The following DAB2IP variants were observed in gnomAD, a reference collection of about 807,000 sequenced individuals.
The protein encoded by DAB2IP is disabled homolog 2-interacting protein.
In DAB2IP, 28 loss-of-function variants were observed where a neutral mutation model predicts 107.2. The ratio of observed to expected loss-of-function variants is 0.26; its 90% CI spans 0.19 to 0.36. The LOEUF is 0.36. Ranked by LOEUF, DAB2IP falls within the 10% of genes least tolerant of loss-of-function variation. The probability of loss-of-function intolerance (pLI) is 1.00; values close to 1 mark genes in which losing one functional copy is unlikely to be tolerated. For missense variants in DAB2IP, 1,400 were observed against 1,644.7 expected (o/e 0.85, Z 2.57); for synonymous variants, 755 against 706.4 (o/e 1.07, Z -1.09).
intron 1 of DAB2IP, among the ~76,000 whole-genome samples, chr9:121,656,683 G>GT (rs919356013): frequency 6.6e-6 from 1 of 152,116 alleles, no homozygotes; most frequent in Admixed American, 6.5e-5. Context: ...TGTGTGCTGC[G>GT]TGCCTGCTCC....
intron 1 of DAB2IP, among the ~76,000 whole-genome samples, chr9:121,657,983 G>A (rs971729840): frequency 6.6e-5 from 10 of 152,160 alleles, no homozygotes; most frequent in Non-Finnish European, 1.0e-4. Context: ...TCCGGGTCTG[G>A]AACTCAGATC....
intron 4 of DAB2IP, among the ~76,000 whole-genome samples, chr9:121,757,957 A>G (rs1422234771): frequency 6.6e-6 from 1 of 152,198 alleles, no homozygotes; most frequent in Middle Eastern, 3.2e-3. Context: ...GCCCTGGGGA[A>G]AAAACAGAAT....
In DAB2IP at chr9:121,759,007, G is replaced by T; in HGVS notation, c.615+11G>T. On this transcript the variant is annotated intron_variant, in intron 5 of 15. Coordinates refer to ENST00000408936, the Ensembl canonical transcript of DAB2IP. ...GTGCATCCCAACAAGGTAAGCCTGC[G>T]CCCCTCTCACCAAAGCATGGGGGAT... 2 of 1,606,316 alleles carry T rather than the reference G, an allele frequency of 1.2e-6. No individual in the cohort carries two copies. The highest frequency in any genetic ancestry group is 2.7e-5 in the African/African-American group (2 of 74,998).
intron 1 of DAB2IP, among the ~76,000 whole-genome samples, chr9:121,611,426 T>C (rs1166188365): frequency 6.6e-6 from 1 of 152,148 alleles, no homozygotes; most frequent in Non-Finnish European, 1.5e-5. Flanking sequence ...GTGTGTGTGG[T>C]CTAAGGTCCA....
chr9:121,604,565 G>A (rs1830801903), intron 1 of DAB2IP, among the ~76,000 whole-genome samples: 1 of 152,154 alleles, frequency 6.6e-6, no homozygotes, highest in African/African-American at 2.4e-5. Context: ...GACTTGGCCT[G>A]TGACTTCCAG....
chr9:121,642,020 TC>T (rs1832351065), intron 1 of DAB2IP, among the ~76,000 whole-genome samples: 9 of 32,758 alleles, frequency 2.7e-4, no homozygotes, highest in African/African-American at 1.1e-3. Flanking sequence ...TCTCTCTCTC[TC>T]TCTCTCTCTC....
chr9:121,660,577 G>A (rs2119088830), intron 1 of DAB2IP, among the ~76,000 whole-genome samples: 1 of 152,278 alleles, frequency 6.6e-6, no homozygotes, highest in African/African-American at 2.4e-5. Flanking sequence ...GGCTGACACA[G>A]GAGAGAGGAT....
intron 1 of DAB2IP, among the ~76,000 whole-genome samples, chr9:121,577,211 GC>G (rs1830082249): frequency 6.6e-6 from 1 of 152,122 alleles, no homozygotes; most frequent in Non-Finnish European, 1.5e-5. Flanking sequence ...CACAGCCCCA[GC>G]CAGTGGGATT....
At chr9:121,757,543 G>T (rs1833580183) in intron 4 of DAB2IP, among the ~76,000 whole-genome samples, 1 of 150,628 alleles carries the variant, frequency 6.6e-6, no homozygotes, top group South Asian at 2.1e-4. Flanking sequence ...GTCTCCCCTT[G>T]TCTGGGCCTG....
chr9:121,624,499 AATG>A (rs1221331021), intron 1 of DAB2IP, among the ~76,000 whole-genome samples: 3 of 152,250 alleles, frequency 2.0e-5, no homozygotes, highest in Non-Finnish European at 4.4e-5. Flanking sequence ...TGTGCCACAT[AATG>A]ATATTTCGGT....
intron 1 of DAB2IP, among the ~76,000 whole-genome samples, chr9:121,610,052 GTGTA>G (rs987725819): frequency 3.4e-4 from 14 of 41,414 alleles, no homozygotes; most frequent in Non-Finnish European, 7.1e-4. Context: ...ACTTGATTTT[GTGTA>G]TGTGTGTGTG....
chr9:121,685,422 G>A (rs1346441133), intron 2 of DAB2IP, among the ~76,000 whole-genome samples: 1 of 152,196 alleles, frequency 6.6e-6, no homozygotes, highest in Non-Finnish European at 1.5e-5. Flanking sequence ...TGGGACAGAG[G>A]TGGGACTGCT....
chr9:121,620,127 C>G (rs1831410460), intron 1 of DAB2IP, among the ~76,000 whole-genome samples: 2 of 152,194 alleles, frequency 1.3e-5, no homozygotes, highest in Admixed American at 1.3e-4. Flanking sequence ...AAAGGTCCTT[C>G]CCGGCTCTGA....
At chr9:121,761,487 A>G (rs947284624) in intron 6 of DAB2IP, among the ~76,000 whole-genome samples, 1 of 152,174 alleles carries the variant, frequency 6.6e-6, no homozygotes, top group African/African-American at 2.4e-5. Context: ...AGTCCAGGGC[A>G]CAAGACTCGT....
chr9:121,593,009 A>G lies in DAB2IP; in HGVS notation c.40+25781A>G, dbSNP rs73661769. Among the ~76,000 whole-genome samples, 674 of 152,302 alleles carry G rather than the reference A, an allele frequency of 4.4e-3. 7 individuals are homozygous for G. The highest frequency in any genetic ancestry group is 0.016 in the African/African-American group (646 of 41,552). On this transcript the variant is annotated intron_variant, in intron 1 of 16. Transcript: ENST00000259371. ...AAAGAGCCCCAGAAGCACTAACTTCATGCATATTTTTGACCTTCTCATCTC... is the reference window on the plus strand; with the variant it reads ...AAAGAGCCCCAGAAGCACTAACTTCGTGCATATTTTTGACCTTCTCATCTC...
intron 1 of DAB2IP, among the ~76,000 whole-genome samples, chr9:121,582,037 G>T (rs1425070754): frequency 3.9e-5 from 6 of 152,210 alleles, no homozygotes; most frequent in African/African-American, 1.4e-4. Flanking sequence ...CTTCACCACG[G>T]TTGGGGGCCG....
rs1345798296 is a variant in DAB2IP, at chr9:121,757,053, G to A, written c.403G>A (p.Glu135Lys). 6.2e-6 allele frequency: 10 copies of A among 1,614,088 alleles called. No homozygotes were observed. Among genetic ancestry groups the A allele is most frequent in the South Asian group, 2.2e-5 (2 of 91,086 alleles). ...GAGGCTGAAGGAGTCTCGCTCCCAC[G>A]AGTCCCTGCTCAGCCCCAGCAGTGC... The change falls in exon 4 of 16, where the codon GAG (glutamate) becomes AAG (lysine). Residue 135 changes from glutamate to lysine, a missense_variant. Glu to Lys is a moderately conservative substitution (Grantham distance 56). Around this residue, in one of 3 missense-constraint regions of DAB2IP, gnomAD observed 283 missense variants for 237.0 expected, o/e 1.19. Coordinates refer to ENST00000408936, the Ensembl canonical transcript of DAB2IP.
chr9:121,589,112 C>T (rs971389180), intron 1 of DAB2IP, among the ~76,000 whole-genome samples: 1 of 152,088 alleles, frequency 6.6e-6, no homozygotes, highest in Non-Finnish European at 1.5e-5. Context: ...GGCTCTGTCC[C>T]ACCCCCGGCG....
chr9:121,781,378 G>A (rs1376681270), intron 14 of DAB2IP, 86 bp from the exon 15 acceptor site: 2 of 1,297,342 alleles, frequency 1.5e-6, no homozygotes, highest in Non-Finnish European at 2.2e-6. Context: ...TCCCTGCTGT[G>A]TGCGGGGGTG....
Sources: gnomAD v4.1 joint callset for allele counts (sites outside exome capture counted in the v4.1 genomes callset) on GRCh38, gnomAD v4.1.1 for gene constraint, gnomAD v4.1.1 regional missense constraint, MANE v1.5 for transcripts, NCBI Gene and HGNC (gene_info 2026-07-23, HGNC 2026-07-21) for gene names.